The following FHIT variants were observed in gnomAD, a reference collection of about 807,000 sequenced individuals.
FHIT encodes the protein bis(5'-adenosyl)-triphosphatase.
FHIT carries 19 observed loss-of-function variants against 17.9 expected under a neutral mutation model. That is an observed-to-expected ratio of 1.06 (90% CI 0.74 to 1.56). FHIT has a LOEUF of 1.56. FHIT is among the 40% of genes most tolerant of loss of function. The pLI is 0.00. For missense variants in FHIT, 248 were observed against 189.2 expected (o/e 1.31, Z -1.82); for synonymous variants, 81 against 69.7 (o/e 1.16, Z -0.81).
chr3:60,903,790 T>C (rs782431091), intron 3 of FHIT, among the ~76,000 whole-genome samples: 1 of 152,204 alleles, frequency 6.6e-6, no homozygotes, highest in African/African-American at 2.4e-5. Flanking sequence ...TGATTGTACA[T>C]CTGGCATCAA....
intron 3 of FHIT, among the ~76,000 whole-genome samples, chr3:61,006,482 C>A (rs2031456350): frequency 6.6e-6 from 1 of 151,822 alleles, no homozygotes; most frequent in Non-Finnish European, 1.5e-5. Flanking sequence ...TGACACTTGG[C>A]ACTTGAGATT....
chr3:60,759,290 T>C (rs1553719098), intron 4 of FHIT, among the ~76,000 whole-genome samples: 1 of 152,168 alleles, frequency 6.6e-6, no homozygotes, highest in Non-Finnish European at 1.5e-5. Context: ...AGAGAACACT[T>C]ACGCAAAAGT....
At chr3:60,668,554 CTTTTTTTTTTTTTTT>C (rs71092627) in intron 4 of FHIT, among the ~76,000 whole-genome samples, 2 of 54,820 alleles carry the variant, frequency 3.6e-5, no homozygotes, top group East Asian at 5.5e-4. Flanking sequence ...CCAGCTCATT[CTTTTTTTTTTTTTTT>C]TTTTTTTTTT....
At chr3:60,117,240 G>A (rs1301254936) in intron 5 of FHIT, among the ~76,000 whole-genome samples, 2 of 152,122 alleles carry the variant, frequency 1.3e-5, no homozygotes, top group Non-Finnish European at 2.9e-5. Context: ...ACAAGCCGAA[G>A]ACATTTAAAA....
chr3:60,932,291 C>T (rs1414292298), intron 3 of FHIT, among the ~76,000 whole-genome samples: 1 of 152,078 alleles, frequency 6.6e-6, no homozygotes, highest in Non-Finnish European at 1.5e-5. Context: ...TTTAAGTATC[C>T]AAGCTGGTGT....
At chr3:60,907,161 A>G (rs1189616164) in intron 3 of FHIT, among the ~76,000 whole-genome samples, 1 of 152,210 alleles carries the variant, frequency 6.6e-6, no homozygotes, top group Non-Finnish European at 1.5e-5. Flanking sequence ...AAAACCTTAA[A>G]AATGGAGTGA....
rs540264784 is a variant in FHIT, at chr3:60,692,642, C to G, written c.-18+129277G>C. ...TAGAGACCTCAGAAAGGAATTCAGCCTAACATCTTAGCCCACTAATATCCA... is the reference window on the plus strand; with the variant it reads ...TAGAGACCTCAGAAAGGAATTCAGCGTAACATCTTAGCCCACTAATATCCA... On this transcript the variant is annotated intron_variant, in intron 4 of 9. Coordinates refer to ENST00000492590, the MANE Select transcript of FHIT (RefSeq NM_002012.4). Among the ~76,000 whole-genome samples the G allele has an allele frequency of 1.3e-3, 200 of 152,278 alleles. 1 individual carries two copies. The South Asian group carries it at 0.019, about 15-fold the overall frequency.
At chr3:61,048,561 A>T (rs867050019) in intron 2 of FHIT, among the ~76,000 whole-genome samples, 7 of 152,214 alleles carry the variant, frequency 4.6e-5, no homozygotes, top group Non-Finnish European at 2.9e-5. Flanking sequence ...ATTGTGGAAG[A>T]CAGTGTGGCA....
At chr3:61,091,368 A>T (rs2035475352) in intron 2 of FHIT, among the ~76,000 whole-genome samples, 1 of 152,172 alleles carries the variant, frequency 6.6e-6, no homozygotes, top group Admixed American at 6.5e-5. Flanking sequence ...CAAGACACGT[A>T]ACCTTCCTAA....
intron 4 of FHIT, among the ~76,000 whole-genome samples, chr3:60,639,420 C>T (rs1460679603): frequency 6.6e-6 from 1 of 152,036 alleles, no homozygotes; most frequent in Non-Finnish European, 1.5e-5. Context: ...AGACCAAAAA[C>T]GAAGGAGCCA....
chr3:61,151,093 G>C (rs901213974), intron 2 of FHIT, among the ~76,000 whole-genome samples: 2 of 152,214 alleles, frequency 1.3e-5, no homozygotes, highest in Non-Finnish European at 2.9e-5. Flanking sequence ...CAGTCTTACA[G>C]TGAAACTGTC....
chr3:61,250,570 G>A (rs753144641), intron 1 of FHIT, among the ~76,000 whole-genome samples: 2 of 152,138 alleles, frequency 1.3e-5, no homozygotes, highest in Admixed American at 6.5e-5. Context: ...CTGTTCCAAG[G>A]TAACACAGCG....
At chr3:60,465,581 G>C (rs745790887) in intron 5 of FHIT, among the ~76,000 whole-genome samples, 3 of 152,052 alleles carry the variant, frequency 2.0e-5, no homozygotes, top group Non-Finnish European at 2.9e-5. Context: ...GCAAGAGATA[G>C]GGGTCTAGTT....
intron 5 of FHIT, among the ~76,000 whole-genome samples, chr3:60,141,122 T>C (rs2107300017): frequency 6.6e-6 from 1 of 152,280 alleles, no homozygotes; most frequent in South Asian, 2.1e-4. Context: ...AGTCATCTAC[T>C]GTGCAGCCAT....
chr3:60,138,633 T>C (rs773452058), intron 5 of FHIT, among the ~76,000 whole-genome samples: 1 of 152,098 alleles, frequency 6.6e-6, no homozygotes, highest in Non-Finnish European at 1.5e-5. Flanking sequence ...AAGTTTTGGA[T>C]AGAGACTGAG....
intron 1 of FHIT, among the ~76,000 whole-genome samples, chr3:61,240,982 C>A (rs1051719479): frequency 2.0e-5 from 3 of 152,198 alleles, no homozygotes; most frequent in Admixed American, 1.3e-4. Flanking sequence ...GGCAGGCCAA[C>A]AAAGTGGTAG....
chr3:60,698,215 T>C (rs2041158383), intron 4 of FHIT, among the ~76,000 whole-genome samples: 1 of 151,390 alleles, frequency 6.6e-6, no homozygotes, highest in African/African-American at 2.5e-5. Flanking sequence ...AAACTCTAAA[T>C]AAAGAAGTGG....
intron 5 of FHIT, among the ~76,000 whole-genome samples, chr3:60,244,849 T>C (rs948911919): frequency 3.3e-5 from 5 of 152,142 alleles, no homozygotes; most frequent in Admixed American, 2.0e-4. Flanking sequence ...TATTTAAAAA[T>C]ATGCTAAGAT....
chr3:60,242,308 T>C (rs930780079), intron 5 of FHIT, among the ~76,000 whole-genome samples: 5 of 152,140 alleles, frequency 3.3e-5, no homozygotes, highest in African/African-American at 1.2e-4. Context: ...TCCTATAATA[T>C]TTCATGTTGG....
Sources: allele counts gnomAD v4.1 joint callset (sites outside exome capture counted in the v4.1 genomes callset), GRCh38; gene constraint gnomAD v4.1.1; transcripts MANE v1.5; gene names NCBI Gene and HGNC (gene_info 2026-07-23, HGNC 2026-07-21).